Variants in GATA6 observed in about 807,000 individuals in gnomAD.
The protein encoded by GATA6 is GATA binding protein 6, also known as transcription factor GATA-6.
A neutral mutation model predicts 48.1 loss-of-function variants in GATA6; 11 were observed. The observed-to-expected ratio is 0.23, with a 90% CI of 0.14 to 0.38. The LOEUF (loss-of-function observed/expected upper bound fraction) is 0.38. GATA6 is among the 10% of genes least tolerant of loss of function. The probability of loss-of-function intolerance (pLI) is 1.00; values close to 1 mark genes in which losing one functional copy is unlikely to be tolerated. For synonymous variants in GATA6, 419 were observed against 396.1 expected (o/e 1.06, Z -0.69); for missense variants, 795 against 850.3 (o/e 0.93, Z 0.81).
At chr18:22,181,735 T>G (rs2033198419) in intron 4 of GATA6, among the ~76,000 whole-genome samples, 157 bp downstream of exon 4, 1 of 152,238 alleles carries the variant, frequency 6.6e-6, no homozygotes, top group Non-Finnish European at 1.5e-5. Context: ...GTGTACATAC[T>G]GAATATATTT....
In GATA6 at chr18:22,187,545, C is replaced by CT. The variant is rs991526472; in HGVS notation, c.1620+4510dup. On this transcript the variant is annotated intron_variant, in intron 6 of 6. Transcript: ENST00000269216. ...CTATGGATTGTAAGAATACTAAAAT[C>CT]TTTTTTTTCTTGAATTCCGTTTATT... Among the ~76,000 whole-genome samples, 10 of 151,680 alleles carry CT rather than the reference C, an allele frequency of 6.6e-5. No homozygotes were observed. The East Asian group carries it at 1.2e-3, about 18-fold the overall frequency.
intron 2 of GATA6, among the ~76,000 whole-genome samples, chr18:22,173,715 C>A (rs183583722): frequency 1.3e-5 from 2 of 152,340 alleles, no homozygotes; most frequent in Admixed American, 1.3e-4. Flanking sequence ...TGCAGTGGCT[C>A]ACTGTAATCT....
chr18:22,200,279 A>C (rs887679406), intron 6 of GATA6, among the ~76,000 whole-genome samples: 2 of 152,102 alleles, frequency 1.3e-5, no homozygotes, highest in African/African-American at 4.8e-5. Context: ...ATGCCTATTC[A>C]CCCACACAGT....
In GATA6 at chr18:22,201,792, A is replaced by G. The variant is rs1263627704; in HGVS notation, c.*969A>G. 6.6e-6 allele frequency: 1 copy of G among 152,628 alleles called. No homozygotes were observed. The highest frequency in any genetic ancestry group is 2.4e-5 in the African/African-American group (1 of 41,446). The allele number at this position is 152,628 out of a possible 1,614,324, so 9.5% of individuals were successfully genotyped here. Reference sequence around the variant, plus strand: ...TATGTGCTGGAAAAATTGCAACAACACTTTACTACCTAACGGATAGCATTT... The same window carrying G: ...TATGTGCTGGAAAAATTGCAACAACGCTTTACTACCTAACGGATAGCATTT... On this transcript the variant is annotated 3_prime_UTR_variant, in exon 7 of 7. Transcript: ENST00000269216.
intron 6 of GATA6, among the ~76,000 whole-genome samples, chr18:22,188,081 T>A (rs1423890469): frequency 6.8e-6 from 1 of 147,954 alleles, no homozygotes; most frequent in African/African-American, 2.7e-5. Flanking sequence ...CTATTTCTAG[T>A]TTAAAAAAAA....
At chr18:22,183,148 C>A in intron 6 of GATA6, 105 bp downstream of exon 6, 1 of 894,140 alleles carries the variant, frequency 1.1e-6, no homozygotes, top group South Asian at 1.4e-5. Context: ...ACCAACAGTT[C>A]AGTTTAGTTA....
chr18:22,171,655 C>A lies in GATA6; in HGVS notation c.511C>A (p.His171Asn). Residue 171 changes from histidine (H) to asparagine (N), a missense_variant, in exon 2 of 7, where the codon CAC (histidine) becomes AAC (asparagine). His to Asn is a moderately conservative substitution (Grantham distance 68). Around this residue, in one of 5 missense-constraint regions of GATA6, gnomAD observed 591 missense variants for 570.0 expected, o/e 1.04. Transcript: ENST00000269216. The surrounding 1 kb of genome is among the most constrained non-coding windows in gnomAD (Gnocchi z 7.1). ...AYDGAPGGFV[H>N]SAAAAAAAAA... is the part of the protein sequence containing the mutation. Reference sequence around the variant, plus strand: ...CGACGGCGCGCCCGGCGGCTTCGTGCACTCTGCGGCCGCGGCGGCAGCAGC... The same window carrying A: ...CGACGGCGCGCCCGGCGGCTTCGTGAACTCTGCGGCCGCGGCGGCAGCAGC... 1 of 1,556,124 alleles carries A rather than the reference C, an allele frequency of 6.4e-7. No homozygotes were observed. Among genetic ancestry groups the A allele is most frequent in the Non-Finnish European group, 8.6e-7 (1 of 1,160,692 alleles).
In GATA6 at chr18:22,177,012, C is replaced by A; in HGVS notation, c.1193C>A (p.Thr398Lys). 6.3e-7 allele frequency: 1 copy of A among 1,577,928 alleles called. No individual in the cohort carries two copies. Among genetic ancestry groups the A allele is most frequent in the Non-Finnish European group, 8.6e-7 (1 of 1,163,864 alleles). The change falls in exon 3 of 7, where the codon ACG becomes AAG. Residue 398 changes from threonine (T) to lysine (K), a missense_variant. Thr to Lys is a moderately conservative substitution (Grantham distance 78). Coordinates refer to ENST00000269216, the MANE Select transcript of GATA6 (RefSeq NM_005257.6). ...TGCGTGAACTGCGGCTCCATCCAGA[C>A]GCCGCTGTGGCGGCGGGACGGCACC... The part of the protein sequence containing the change: ...RECVNCGSIQ[T>K]PLWRRDGTGH...
At chr18:22,192,877 T>C (rs1040408811) in intron 6 of GATA6, among the ~76,000 whole-genome samples, 2 of 152,250 alleles carry the variant, frequency 1.3e-5, no homozygotes, top group African/African-American at 4.8e-5. Context: ...TTGGCGCCTT[T>C]CTTCACCACA....
intron 3 of GATA6, among the ~76,000 whole-genome samples, chr18:22,179,734 A>G (rs1344739687): frequency 1.3e-5 from 2 of 152,244 alleles, no homozygotes; most frequent in Middle Eastern, 3.2e-3. Context: ...TGTTGTCATC[A>G]TTTTAGCAAA....
intron 6 of GATA6, among the ~76,000 whole-genome samples, chr18:22,192,473 T>C (rs2143326019): frequency 6.6e-6 from 1 of 152,308 alleles, no homozygotes; most frequent in African/African-American, 2.4e-5. Context: ...AGTAACCACA[T>C]TTTAGAGATT....
chr18:22,192,975 T>C (rs1187761090), intron 6 of GATA6, among the ~76,000 whole-genome samples: 1 of 152,220 alleles, frequency 6.6e-6, no homozygotes, highest in Non-Finnish European at 1.5e-5. Flanking sequence ...TGCTTTCGTC[T>C]TCTTGAAAAG....
chr18:22,188,953 G>A (rs2033296290), intron 6 of GATA6, among the ~76,000 whole-genome samples: 3 of 152,316 alleles, frequency 2.0e-5, no homozygotes, highest in South Asian at 4.1e-4. Flanking sequence ...CCTCACCTTT[G>A]TGGGGCATTG....
rs771804964 is a variant in GATA6, at chr18:22,182,798, C to T, written c.1470C>T (p.Thr490=). 6.2e-7 allele frequency: 1 copy of T among 1,613,960 alleles called. No homozygotes were observed. Among genetic ancestry groups the T allele is most frequent in the Non-Finnish European group, 8.5e-7 (1 of 1,179,968 alleles). The change falls in exon 5 of 7, where the codon ACC becomes ACT. Residue 490 remains threonine (T), a synonymous_variant. Transcript: ENST00000269216. ...PLAMKKEGIQ[T]RKRKPKNINK... ...CTATGAAAAAAGAGGGAATTCAAACCAGGAAACGAAAACCTAAGAACATAA... is the reference window on the plus strand; with the variant it reads ...CTATGAAAAAAGAGGGAATTCAAACTAGGAAACGAAAACCTAAGAACATAA...
chr18:22,196,419 C>T (rs979971938), intron 6 of GATA6, among the ~76,000 whole-genome samples: 1 of 152,092 alleles, frequency 6.6e-6, no homozygotes, highest in East Asian at 1.9e-4. Flanking sequence ...AGGGTGTTAA[C>T]GTTTCTTTAA....
chr18:22,173,954 C>G (rs1158359379), intron 2 of GATA6, among the ~76,000 whole-genome samples: 3 of 152,202 alleles, frequency 2.0e-5, no homozygotes, highest in Admixed American at 1.3e-4. Context: ...CTTTTTGCTT[C>G]TGCTGCAAAG....
Position 22,197,342 on chromosome 18 carries a change from G to A in GATA6, c.1621-3314G>A, listed in dbSNP as rs531789544. ...GCAGGGATTGCAGGCGTGGGCCACC[G>A]CGCCTGGCCTAGCCAATTTAATTCT... On this transcript the variant is annotated intron_variant, in intron 6 of 6. Transcript: ENST00000269216. 2.6e-5 allele frequency among the ~76,000 whole-genome samples: 4 copies of A among 152,144 alleles called. No homozygotes were observed. In the East Asian group the frequency reaches 7.7e-4, roughly 29 times the overall value.
rs1445457863 is a variant in GATA6, at chr18:22,172,290, C to A, written c.1135+11C>A. On this transcript the variant is annotated intron_variant, in intron 2 of 6. Coordinates refer to ENST00000269216, the MANE Select transcript of GATA6 (RefSeq NM_005257.6). The surrounding 1 kb of genome is among the most constrained non-coding windows in gnomAD (Gnocchi z 5.2). ...GGGGTCCCAGTGCAGGTAAGGGTCG[C>A]GCCTCAGGTTCGGGGTGCGGGTCCA... 6.5e-7 allele frequency: 1 copy of A among 1,531,066 alleles called. No individual in the cohort carries two copies. The highest frequency in any genetic ancestry group is 8.7e-7 in the Non-Finnish European group (1 of 1,144,924). The allele number at this position is 1,531,066 out of a possible 1,614,324, so 94.8% of individuals were successfully genotyped here. A position where few individuals can be genotyped will look rare whatever the true frequency, so the allele number is the denominator to read the frequency against.
At chr18:22,173,624 CT>C (rs2033084781) in intron 2 of GATA6, among the ~76,000 whole-genome samples, 1 of 152,126 alleles carries the variant, frequency 6.6e-6, no homozygotes, top group African/African-American at 2.4e-5. Context: ...AGCCTGAGTT[CT>C]TTCTGTCTTC....
Sources: allele counts gnomAD v4.1 joint callset (sites outside exome capture counted in the v4.1 genomes callset), GRCh38; gene constraint gnomAD v4.1.1; regional missense constraint gnomAD v4.1.1; non-coding constraint Gnocchi (gnomAD v3.1); transcripts MANE v1.5; gene names NCBI Gene and HGNC (gene_info 2026-07-23, HGNC 2026-07-21).